The following CNTN4 variants were observed in gnomAD, a reference collection of about 807,000 sequenced individuals.
CNTN4 encodes the protein contactin-4.
Under a neutral mutation model 122.5 loss-of-function variants are expected in CNTN4, and 77 were observed. The ratio of observed to expected loss-of-function variants is 0.63; its 90% confidence interval spans 0.52 to 0.76. The LOEUF is 0.76. Among genes scored for constraint, CNTN4 ranks in the 30% least tolerant of loss-of-function variants. CNTN4 has a pLI of 0.00. For synonymous variants in CNTN4, 512 were observed against 447.0 expected (o/e 1.15, Z -1.83); for missense variants, 1,256 against 1,259.1 (o/e 1.00, Z 0.04).
At chr3:2,566,423 G>T (rs1270101994) in intron 3 of CNTN4, among the ~76,000 whole-genome samples, 1 of 152,166 alleles carries the variant, frequency 6.6e-6, no homozygotes, top group Non-Finnish European at 1.5e-5. Context: ...GATTAAATGA[G>T]AAGTGAATGT....
chr3:3,024,413 T>TTCATCACTA (rs1183979845), intron 14 of CNTN4, among the ~76,000 whole-genome samples: 2 of 144,608 alleles, frequency 1.4e-5, no homozygotes, highest in Non-Finnish European at 3.0e-5. Flanking sequence ...AAAAAACAAC[T>TTCATCACTA]TCATCACTAT....
chr3:2,960,454 C>T (rs1046329215), intron 13 of CNTN4, among the ~76,000 whole-genome samples: 2 of 152,010 alleles, frequency 1.3e-5, no homozygotes, highest in African/African-American at 4.8e-5. Flanking sequence ...AAAATAAAAG[C>T]TAAACACTTG....
At chr3:2,859,397 A>G (rs2093650007) in intron 7 of CNTN4, among the ~76,000 whole-genome samples, 1 of 152,110 alleles carries the variant, frequency 6.6e-6, no homozygotes, top group Non-Finnish European at 1.5e-5. Context: ...TCAACATTTC[A>G]TTGCCTTTGG....
chr3:2,571,756 T>C (rs757181173), intron 4 of CNTN4, among the ~76,000 whole-genome samples, 198 bp downstream of exon 4: 8 of 152,212 alleles, frequency 5.3e-5, no homozygotes, highest in Non-Finnish European at 1.2e-4. Flanking sequence ...TATCCAGAGA[T>C]AGACACCGAT....
At chr3:2,985,045 T>C (rs1004920651) in intron 13 of CNTN4, among the ~76,000 whole-genome samples, 1 of 152,264 alleles carries the variant, frequency 6.6e-6, no homozygotes, top group African/African-American at 2.4e-5. Flanking sequence ...GCAACTGTTA[T>C]ATGCGTAGCT....
chr3:2,714,937 T>G (rs1174438348), intron 4 of CNTN4, among the ~76,000 whole-genome samples: 1 of 152,156 alleles, frequency 6.6e-6, no homozygotes, highest in Non-Finnish European at 1.5e-5. Flanking sequence ...GTTGGGCAAC[T>G]TGCTTTGGAA....
At chr3:3,050,289 CA>C (rs199869558) in intron 23 of CNTN4, among the ~76,000 whole-genome samples, 1 of 151,292 alleles carries the variant, frequency 6.6e-6, no homozygotes, top group South Asian at 2.1e-4. Flanking sequence ...ATGTCTAACT[CA>C]AAAAAAATAA....
chr3:2,207,818 A>G (rs1423353061), intron 2 of CNTN4, among the ~76,000 whole-genome samples: 1 of 152,118 alleles, frequency 6.6e-6, no homozygotes, highest in Admixed American at 6.6e-5. Context: ...ATAGTTACAG[A>G]GGAGAAGTCA....
At chr3:2,168,175 A>G (rs1276904292) in intron 2 of CNTN4, among the ~76,000 whole-genome samples, 2 of 152,222 alleles carry the variant, frequency 1.3e-5, no homozygotes, top group Non-Finnish European at 2.9e-5. Flanking sequence ...TGTAGACTGT[A>G]TATTGTTTCA....
In CNTN4 at chr3:2,726,905, C is replaced by T. The variant is rs75414615; in HGVS notation, c.56-9310C>T. 4.6e-3 allele frequency among the ~76,000 whole-genome samples: 693 copies of T among 152,230 alleles called. 5 individuals are homozygous for T. Among genetic ancestry groups the T allele is most frequent in the African/African-American group, 0.016 (646 of 41,536 alleles). ...ACAGGAATGCAAGATGTTAACAATA[C>T]GGGAAACTGTGTGGAGAAGGAGTGT... is the stretch of plus-strand genomic sequence containing the variant. On this transcript the variant is annotated intron_variant, in intron 4 of 24. Coordinates refer to ENST00000418658, the MANE Select transcript of CNTN4 (RefSeq NM_175607.3).
chr3:2,574,146 G>A (rs1225748315), intron 4 of CNTN4, among the ~76,000 whole-genome samples: 1 of 152,178 alleles, frequency 6.6e-6, no homozygotes, highest in East Asian at 1.9e-4. Flanking sequence ...AACCTGGGAG[G>A]CGGAGGTTGC....
intron 14 of CNTN4, among the ~76,000 whole-genome samples, chr3:3,012,736 A>AGGCGGG (rs1442724674): frequency 2.0e-5 from 3 of 152,128 alleles, no homozygotes; most frequent in Non-Finnish European, 4.4e-5. Flanking sequence ...TGGGAGGCGG[A>AGGCGGG]GGCGGGCAGA....
chr3:2,411,804 C>T (rs1054164967), intron 3 of CNTN4, among the ~76,000 whole-genome samples: 3 of 152,004 alleles, frequency 2.0e-5, no homozygotes, highest in South Asian at 2.1e-4. Context: ...TGCTGTATTT[C>T]GAAGCATCGT....
chr3:2,738,290 C>T (rs117792301), intron 5 of CNTN4, among the ~76,000 whole-genome samples: 1 of 152,266 alleles, frequency 6.6e-6, no homozygotes, highest in East Asian at 1.9e-4. Context: ...CACAAACTGG[C>T]AGCTGACTTC....
chr3:2,670,167 G>T (rs1312385253), intron 4 of CNTN4, among the ~76,000 whole-genome samples: 2 of 152,136 alleles, frequency 1.3e-5, no homozygotes, highest in Non-Finnish European at 2.9e-5. Flanking sequence ...CTGTCTCATT[G>T]ATCTGTCTAA....
At chr3:3,039,138 T>C (rs1455304526) in intron 19 of CNTN4, 135 bp downstream of exon 19, 2 of 777,768 alleles carry the variant, frequency 2.6e-6, no homozygotes, top group Non-Finnish European at 2.2e-6. Flanking sequence ...AGACACTCCC[T>C]CTCACGTAGC....
intron 10 of CNTN4, among the ~76,000 whole-genome samples, chr3:2,889,941 A>T (rs373053336): frequency 9.2e-5 from 14 of 152,154 alleles, no homozygotes; most frequent in Admixed American, 5.9e-4. Flanking sequence ...TTTTTCAGGG[A>T]TCCTGCCCTG....
intron 3 of CNTN4, among the ~76,000 whole-genome samples, chr3:2,467,984 T>C (rs1301625402): frequency 6.6e-6 from 1 of 152,200 alleles, no homozygotes; most frequent in Non-Finnish European, 1.5e-5. Context: ...TTCGTCATTC[T>C]ATAAGTGGGG....
At chr3:2,693,992 G>GT (rs2085880559) in intron 4 of CNTN4, among the ~76,000 whole-genome samples, 1 of 151,992 alleles carries the variant, frequency 6.6e-6, no homozygotes, top group African/African-American at 2.4e-5. Flanking sequence ...TCCCAGTATA[G>GT]TCCTAATCTG....
Sources: gnomAD v4.1 joint callset for allele counts (sites outside exome capture counted in the v4.1 genomes callset) on GRCh38, gnomAD v4.1.1 for gene constraint, MANE v1.5 for transcripts, NCBI Gene and HGNC (gene_info 2026-07-23, HGNC 2026-07-21) for gene names.